Variants in CACNA1A observed in about 807,000 individuals in gnomAD.
The protein encoded by CACNA1A is voltage-dependent P/Q-type calcium channel subunit alpha-1A.
CACNA1A carries 57 observed loss-of-function variants against 262.4 expected under a neutral mutation model. That is an observed-to-expected ratio of 0.22 (90% CI 0.18 to 0.27). The LOEUF (loss-of-function observed/expected upper bound fraction) is 0.27, where lower values mean the gene tolerates loss of function less well. CACNA1A is among the 10% of genes least tolerant of loss of function. CACNA1A has a pLI of 1.00. For missense variants in CACNA1A, 2,526 were observed against 3,562.8 expected (o/e 0.71, Z 7.41); for synonymous variants, 1,431 against 1,419.3 (o/e 1.01, Z -0.18).
chr19:13,364,635 A>T (rs935639580), intron 5 of CACNA1A: 6 of 148,036 alleles, frequency 4.1e-5, no homozygotes, highest in African/African-American at 1.6e-4. Flanking sequence ...TTTTTTATTT[A>T]TATTTTTATT....
chr19:13,450,071 G>T (rs1350978480), intron 3 of CACNA1A, among the ~76,000 whole-genome samples: 1 of 149,006 alleles, frequency 6.7e-6, no homozygotes, highest in Non-Finnish European at 1.5e-5. Context: ...AAACTGGGAG[G>T]CAGAGGCTGC....
intron 1 of CACNA1A, among the ~76,000 whole-genome samples, chr19:13,500,301 T>G (rs1982224387): frequency 6.6e-6 from 1 of 152,188 alleles, no homozygotes; most frequent in Non-Finnish European, 1.5e-5. Context: ...AAGAACAGGG[T>G]AAAGATCATG....
Position 13,465,344 on chromosome 19 carries a change from G to T in CACNA1A, c.294-10132C>A, listed in dbSNP as rs542250828. On this transcript the variant is annotated intron_variant, in intron 1 of 46. Coordinates refer to ENST00000360228, the MANE Select transcript of CACNA1A (RefSeq NM_001127222.2). The stretch of plus-strand genomic sequence containing the variant: ...AGAACATACTGCAGTGCATGCATAT[G>T]TGTGGTCCACTCACTGAATATTATA... Among the ~76,000 whole-genome samples the T allele has an allele frequency of 2.0e-5, 3 of 152,298 alleles. No homozygotes were observed. In the East Asian group the frequency reaches 5.8e-4, roughly 29 times the overall value.
Position 13,277,059 on chromosome 19 carries a change from C to G in CACNA1A, c.3882+10G>C, listed in dbSNP as rs183712582. 17 of 1,597,000 alleles carry G rather than the reference C, an allele frequency of 1.1e-5. No homozygotes were observed. In the Admixed American group the frequency reaches 2.8e-4, roughly 27 times the overall value. ...ATTACCGTGTGTTCTCACTTATAAT[C>G]TGCACTCACCTTGATCACCATCTCA... On this transcript the variant is annotated intron_variant, in intron 23 of 46. Transcript: ENST00000360228.
At chr19:13,328,185 G>A (rs1254021656) in intron 10 of CACNA1A, among the ~76,000 whole-genome samples, 2 of 152,318 alleles carry the variant, frequency 1.3e-5, no homozygotes, top group African/African-American at 2.4e-5. Context: ...GATTACAGGC[G>A]TGAACCACTG....
At chr19:13,246,546 G>T (rs1358039554) in intron 30 of CACNA1A, among the ~76,000 whole-genome samples, 1 of 152,176 alleles carries the variant, frequency 6.6e-6, no homozygotes, top group African/African-American at 2.4e-5. Flanking sequence ...GTTTGTTACT[G>T]CAGCTTCACT....
chr19:13,224,486 C>CAA (rs71168691), intron 38 of CACNA1A, among the ~76,000 whole-genome samples, 181 bp downstream of exon 38: 7 of 113,322 alleles, frequency 6.2e-5, no homozygotes, highest in East Asian at 3.6e-4. Flanking sequence ...GACTCTGTCT[C>CAA]AAAAAAAAAA....
chr19:13,451,350 C>T (rs905034704), intron 3 of CACNA1A: 2 of 152,328 alleles, frequency 1.3e-5, no homozygotes, highest in African/African-American at 2.4e-5. Flanking sequence ...ACATGGAAAG[C>T]TATGATCCTG....
intron 6 of CACNA1A, among the ~76,000 whole-genome samples, chr19:13,352,923 C>A (rs2058941564): frequency 6.6e-6 from 1 of 152,146 alleles, no homozygotes; most frequent in African/African-American, 2.4e-5. Context: ...CAGGCGCCCG[C>A]CACCATGCCT....
intron 1 of CACNA1A, among the ~76,000 whole-genome samples, chr19:13,478,020 T>C (rs1291659767): frequency 6.6e-6 from 1 of 152,092 alleles, no homozygotes; most frequent in Non-Finnish European, 1.5e-5. Context: ...GTCCCTGATT[T>C]TTCCTCCCCA....
intron 1 of CACNA1A, among the ~76,000 whole-genome samples, chr19:13,501,400 T>C (rs62111574): frequency 0.076 from 11,553 of 151,952 alleles, 622 homozygotes; most frequent in East Asian, 0.28. Context: ...GGTCTCGAAC[T>C]CCTGACCTCA....
intron 3 of CACNA1A, among the ~76,000 whole-genome samples, chr19:13,447,003 G>A (rs1436556141): frequency 6.6e-6 from 1 of 152,082 alleles, no homozygotes; most frequent in Non-Finnish European, 1.5e-5. Flanking sequence ...CTCATTTGAA[G>A]GAGATAGAAC....
intron 1 of CACNA1A, among the ~76,000 whole-genome samples, chr19:13,467,533 A>G (rs2061270562): frequency 6.6e-6 from 1 of 151,854 alleles, no homozygotes; most frequent in African/African-American, 2.4e-5. Flanking sequence ...ACTTGTGATA[A>G]TTTTCCTGCA....
chr19:13,285,659 A>G (rs1600243700), intron 20 of CACNA1A, among the ~76,000 whole-genome samples: 1 of 151,496 alleles, frequency 6.6e-6, no homozygotes, highest in African/African-American at 2.4e-5. Context: ...AAATACTGAG[A>G]CCTCCCATAA....
intron 46 of CACNA1A, 110 bp downstream of exon 46, chr19:13,208,646 G>A (rs1206020850): frequency 7.4e-7 from 1 of 1,351,806 alleles, no homozygotes; most frequent in South Asian, 1.5e-5. Flanking sequence ...GGTGGTCACA[G>A]CCGGGATCCG....
intron 1 of CACNA1A, among the ~76,000 whole-genome samples, chr19:13,474,546 T>C (rs1007089677): frequency 3.3e-5 from 5 of 152,152 alleles, no homozygotes; most frequent in African/African-American, 7.2e-5. Flanking sequence ...TTGCCAGGTG[T>C]GGTGGCTTAC....
At chr19:13,494,139 A>G (rs1050457402) in intron 1 of CACNA1A, among the ~76,000 whole-genome samples, 8 of 152,246 alleles carry the variant, frequency 5.3e-5, no homozygotes, top group African/African-American at 1.9e-4. Flanking sequence ...GCAACTATAC[A>G]TGGTGGCCCT....
chr19:13,354,043 C>T (rs2058961644), intron 6 of CACNA1A, among the ~76,000 whole-genome samples: 1 of 152,162 alleles, frequency 6.6e-6, no homozygotes, highest in Non-Finnish European at 1.5e-5. Context: ...TTTAGTCTGT[C>T]TTCTTCGTTG....
At chr19:13,342,217 T>C (rs999356469) in intron 6 of CACNA1A, among the ~76,000 whole-genome samples, 2 of 122,550 alleles carry the variant, frequency 1.6e-5, no homozygotes, top group Non-Finnish European at 3.5e-5. Flanking sequence ...GGTTTGGGGG[T>C]GGGGGTGGGT....
Sources: gnomAD v4.1 joint callset for allele counts (sites outside exome capture counted in the v4.1 genomes callset) on GRCh38, gnomAD v4.1.1 for gene constraint, MANE v1.5 for transcripts, NCBI Gene and HGNC (gene_info 2026-07-23, HGNC 2026-07-21) for gene names.